MOB3B: variants seen among roughly 807,000 people sequenced by gnomAD.
MOB3B encodes MOB kinase activator 3B.
Under a neutral mutation model 18.7 loss-of-function variants are expected in MOB3B, and 7 were observed. The observed-to-expected ratio is 0.37, with a 90% CI of 0.21 to 0.70. The LOEUF is 0.70. Ranked by LOEUF, MOB3B falls within the 30% of genes least tolerant of loss-of-function variation. MOB3B has a pLI of 0.52. For synonymous variants in MOB3B, 111 were observed against 99.9 expected, an observed-to-expected ratio of 1.11 and a Z score of -0.66; for missense variants, 253 against 281.3, an observed-to-expected ratio of 0.90 and a Z score of 0.72.
intron 2 of MOB3B, among the ~76,000 whole-genome samples, chr9:27,431,392 G>A (rs1192487697): frequency 6.6e-6 from 1 of 152,196 alleles, no homozygotes; most frequent in African/African-American, 2.4e-5. Flanking sequence ...TGGAGACAGG[G>A]AAGGAGACAG....
intron 3 of MOB3B, among the ~76,000 whole-genome samples, chr9:27,335,261 C>T (rs941130867): frequency 6.6e-6 from 1 of 152,176 alleles, no homozygotes; most frequent in African/African-American, 2.4e-5. Flanking sequence ...TCATAGGCTG[C>T]TGTTATAGCT....
chr9:27,348,329 A>T (rs1821058801), intron 3 of MOB3B, among the ~76,000 whole-genome samples: 1 of 151,804 alleles, frequency 6.6e-6, no homozygotes, highest in African/African-American at 2.4e-5. Flanking sequence ...AAATTATTTA[A>T]CATATGAAGA....
In MOB3B at chr9:27,359,091, G is replaced by A. The variant is rs145881138; in HGVS notation, c.564C>T (p.His188=). 1.1e-5 allele frequency: 17 copies of A among 1,614,132 alleles called. No individual in the cohort carries two copies. In the African/African-American group the frequency reaches 2.1e-4, roughly 20 times the overall value. Residue 188 remains histidine, a synonymous_variant, in exon 3 of 4, where the codon CAC becomes CAT. Coordinates refer to ENST00000262244, the MANE Select transcript of MOB3B (RefSeq NM_024761.5). ...AEAHVNTCYK[H]FYYFVTEMNL... ...TCATCTCTGTGACAAAGTAATAGAA[G>A]TGTTTGTAGCAGGTGTTGACATGGG...
intron 3 of MOB3B, among the ~76,000 whole-genome samples, chr9:27,352,996 G>C (rs937618961): frequency 3.9e-5 from 6 of 152,262 alleles, no homozygotes; most frequent in Admixed American, 3.9e-4. Flanking sequence ...CATCACTCAG[G>C]ACTGGCATTT....
intron 1 of MOB3B, among the ~76,000 whole-genome samples, chr9:27,460,069 T>TA (rs988085787): frequency 6.6e-6 from 1 of 152,150 alleles, no homozygotes; most frequent in Non-Finnish European, 1.5e-5. Flanking sequence ...ACTAAGGACA[T>TA]AGAGTTCATA....
chr9:27,385,857 C>T (rs1821644340), intron 2 of MOB3B, among the ~76,000 whole-genome samples: 1 of 152,234 alleles, frequency 6.6e-6, no homozygotes, highest in Admixed American at 6.5e-5. Flanking sequence ...GCTGCTAGGA[C>T]AAGCCCTGGA....
chr9:27,367,313 G>A (rs1821354962), intron 2 of MOB3B, among the ~76,000 whole-genome samples: 1 of 152,166 alleles, frequency 6.6e-6, no homozygotes, highest in South Asian at 2.1e-4. Flanking sequence ...AGCTTTGTAG[G>A]GTTTCTACAG....
intron 2 of MOB3B, among the ~76,000 whole-genome samples, chr9:27,449,677 T>C (rs1341175194): frequency 1.3e-5 from 2 of 152,024 alleles, no homozygotes; most frequent in Non-Finnish European, 2.9e-5. Flanking sequence ...AGACATACAA[T>C]AGAAAATAAA....
At chr9:27,490,430 G>T (rs1030143684) in intron 1 of MOB3B, among the ~76,000 whole-genome samples, 1 of 152,196 alleles carries the variant, frequency 6.6e-6, no homozygotes, top group Non-Finnish European at 1.5e-5. Flanking sequence ...AGATTAAGAA[G>T]CAACTAATAG....
rs1381589097 is a variant in MOB3B at position 27,516,155 on chromosome 9, G to A, written c.-199+13400C>T. Reference sequence around the variant, plus strand: ...TTCTTGTTTAGAGGCTTTGGCAGAAGCATTATCATGATGGCACTCTGATTT... The same window carrying A: ...TTCTTGTTTAGAGGCTTTGGCAGAAACATTATCATGATGGCACTCTGATTT... On this transcript the variant is annotated intron_variant, in intron 1 of 3. Transcript: ENST00000262244. 2.0e-5 allele frequency among the ~76,000 whole-genome samples: 3 copies of A among 152,224 alleles called. No individual in the cohort carries two copies. In the East Asian group the frequency reaches 5.8e-4, roughly 29 times the overall value.
chr9:27,342,915 G>T (rs867730048), intron 3 of MOB3B, among the ~76,000 whole-genome samples: 5 of 147,808 alleles, frequency 3.4e-5, no homozygotes, highest in Admixed American at 6.7e-5. Context: ...GAGCGTCTCT[G>T]CCTGGCCACC....
At chr9:27,475,878 G>A (rs1051060800) in intron 1 of MOB3B, among the ~76,000 whole-genome samples, 1 of 152,066 alleles carries the variant, frequency 6.6e-6, no homozygotes, top group African/African-American at 2.4e-5. Flanking sequence ...CCATTGACTG[G>A]GCTGGTTGCA....
intron 1 of MOB3B, among the ~76,000 whole-genome samples, chr9:27,513,274 G>C (rs956546285): frequency 1.8e-4 from 28 of 151,988 alleles, no homozygotes; most frequent in African/African-American, 6.3e-4. Context: ...CATCTCTACT[G>C]CTCCCACCTT....
chr9:27,396,424 G>A (rs1587179919), intron 2 of MOB3B, among the ~76,000 whole-genome samples: 1 of 152,200 alleles, frequency 6.6e-6, no homozygotes, highest in Non-Finnish European at 1.5e-5. Context: ...ACACACACCA[G>A]AATCATTATT....
At chr9:27,370,390 C>T (rs1821399281) in intron 2 of MOB3B, among the ~76,000 whole-genome samples, 1 of 151,926 alleles carries the variant, frequency 6.6e-6, no homozygotes, top group Non-Finnish European at 1.5e-5. Flanking sequence ...TGCTTGTAAT[C>T]CCAGCTACTA....
intron 2 of MOB3B, among the ~76,000 whole-genome samples, chr9:27,415,816 G>A (rs950952084): frequency 2.4e-4 from 36 of 152,156 alleles, no homozygotes; most frequent in African/African-American, 8.2e-4. Context: ...CTGAAGAGCT[G>A]TTGCTGAGGA....
chr9:27,374,133 C>G (rs1321693932), intron 2 of MOB3B, among the ~76,000 whole-genome samples: 1 of 152,114 alleles, frequency 6.6e-6, no homozygotes, highest in East Asian at 1.9e-4. Flanking sequence ...CCTGGAGTCC[C>G]TTTGAACCTG....
chr9:27,434,201 C>T (rs1343430176), intron 2 of MOB3B, among the ~76,000 whole-genome samples: 4 of 152,140 alleles, frequency 2.6e-5, no homozygotes, highest in Admixed American at 6.5e-5. Flanking sequence ...TGTTTTTGCT[C>T]ATCTGGGCTG....
chr9:27,500,415 A>G (rs1246658564), intron 1 of MOB3B, among the ~76,000 whole-genome samples: 1 of 152,222 alleles, frequency 6.6e-6, no homozygotes, highest in Non-Finnish European at 1.5e-5. Context: ...GACCAATGGA[A>G]CAGAACAGAC....
Sources: gnomAD v4.1 joint callset for allele counts (sites outside exome capture counted in the v4.1 genomes callset) on GRCh38, gnomAD v4.1.1 for gene constraint, MANE v1.5 for transcripts, NCBI Gene and HGNC (gene_info 2026-07-23, HGNC 2026-07-21) for gene names.